Variants in DYNC2H1 observed in about 807,000 individuals in gnomAD.
DYNC2H1 encodes the protein dynein cytoplasmic 2 heavy chain 1.
A neutral mutation model predicts 570.0 loss-of-function variants in DYNC2H1; 410 were observed. The ratio of observed to expected loss-of-function variants is 0.72; its 90% CI spans 0.66 to 0.78. The LOEUF (loss-of-function observed/expected upper bound fraction) is 0.78. Among genes scored for constraint, DYNC2H1 ranks in the 30% least tolerant of loss-of-function variants. The pLI, the probability that DYNC2H1 is intolerant of heterozygous loss-of-function variation, is 0.00. For synonymous variants in DYNC2H1, 1,688 were observed against 1,677.6 expected (o/e 1.01, Z -0.15); for missense variants, 4,865 against 5,046.4 (o/e 0.96, Z 1.09).
Position 103,236,547 on chromosome 11 carries a change from ATTTAT to A in DYNC2H1, c.9819+13_9819+17del. ...GCTCTTGTAATATTACAGGTAGTTA[ATTTAT>A]TTTAATTTTTTTATTAGAAATGTTT... On this transcript the variant is annotated intron_variant, in intron 63 of 88. Transcript: ENST00000375735. The A allele has an allele frequency of 2.1e-6, 3 of 1,403,012 alleles. No individual in the cohort carries two copies. Among genetic ancestry groups the A allele is most frequent in the Non-Finnish European group, 3.0e-6 (3 of 1,011,956 alleles). 86.9% of individuals were successfully genotyped at this position (1,403,012 alleles called of 1,614,324 possible).
chr11:103,461,394 A>G lies in DYNC2H1; in HGVS notation c.12648+5038A>G, dbSNP rs974753481. ...TCAATATCTTAAACCCTTTAGACCT[A>G]CTTGAGAGAACATATTTATGTATTG... On this transcript the variant is annotated intron_variant, in intron 87 of 88. Transcript: ENST00000375735. This position sits in a 1 kb window ranked among gnomAD's most constrained non-coding sequence, Gnocchi z 4.8. Among the ~76,000 whole-genome samples, 1 of 152,148 alleles carries G rather than the reference A, an allele frequency of 6.6e-6. No individual in the cohort carries two copies. Among genetic ancestry groups the G allele is most frequent in the Non-Finnish European group, 1.5e-5 (1 of 68,038 alleles).
intron 82 of DYNC2H1, among the ~76,000 whole-genome samples, chr11:103,338,960 T>C (rs1283944801): frequency 6.6e-6 from 1 of 152,202 alleles, no homozygotes; most frequent in Non-Finnish European, 1.5e-5. Context: ...CCTGTCCTTC[T>C]TGAGTGGACT....
chr11:103,361,037 G>A (rs1162123595), intron 83 of DYNC2H1, among the ~76,000 whole-genome samples: 3 of 152,170 alleles, frequency 2.0e-5, no homozygotes, highest in Non-Finnish European at 4.4e-5. Context: ...AAGAGAAAAT[G>A]TTTGGCGCAT....
chr11:103,136,624 A>G (rs1288468362), intron 17 of DYNC2H1, among the ~76,000 whole-genome samples: 9 of 152,134 alleles, frequency 5.9e-5, no homozygotes, highest in Admixed American at 5.9e-4. Flanking sequence ...CAAGTCTATC[A>G]TTGTTGGACA....
chr11:103,196,818 C>T (rs1316497949), intron 47 of DYNC2H1, among the ~76,000 whole-genome samples: 1 of 152,048 alleles, frequency 6.6e-6, no homozygotes, highest in Non-Finnish European at 1.5e-5. Flanking sequence ...GAGATTATGA[C>T]TGTATTATTG....
intron 70 of DYNC2H1, among the ~76,000 whole-genome samples, chr11:103,272,802 A>G (rs1865762034): frequency 6.6e-6 from 1 of 152,042 alleles, no homozygotes. Flanking sequence ...AATGTATGGG[A>G]GGTGTGGTTG....
intron 83 of DYNC2H1, among the ~76,000 whole-genome samples, chr11:103,390,119 T>C (rs953582362): frequency 1.3e-5 from 2 of 152,164 alleles, no homozygotes; most frequent in African/African-American, 4.8e-5. Flanking sequence ...CCATTATTAT[T>C]GTGTGGGAGT....
intron 13 of DYNC2H1, among the ~76,000 whole-genome samples, chr11:103,131,908 T>C (rs1021556523): frequency 6.6e-6 from 1 of 152,182 alleles, no homozygotes; most frequent in African/African-American, 2.4e-5. Flanking sequence ...TAGGAAAGCA[T>C]AGAATCCTTT....
intron 17 of DYNC2H1, among the ~76,000 whole-genome samples, chr11:103,142,844 G>C (rs1355300372): frequency 6.6e-6 from 1 of 152,076 alleles, no homozygotes; most frequent in Non-Finnish European, 1.5e-5. Flanking sequence ...TTTCTCATTT[G>C]TATTGATGCT....
At position 103,157,259 on chromosome 11, in the gene DYNC2H1, A is replaced by T. The variant is rs564066475; in HGVS notation, c.4127+489A>T. On this transcript the variant is annotated intron_variant, in intron 26 of 88. Coordinates refer to ENST00000375735, the MANE Select transcript of DYNC2H1 (RefSeq NM_001377.3). The surrounding 1 kb of genome is among the most constrained non-coding windows in gnomAD (Gnocchi z 4.2). ...GGCCTCAGCCTTCGATTTTTTTCTC[A>T]CTGTATTCTCAGGTAATCTTAACCA... Among the ~76,000 whole-genome samples, 1 of 151,894 alleles carries T rather than the reference A, an allele frequency of 6.6e-6. No individual in the cohort carries two copies. The highest frequency in any genetic ancestry group is 1.5e-5 in the Non-Finnish European group (1 of 67,956).
Position 103,205,185 on chromosome 11 carries a change from G to A in DYNC2H1, c.8454+221G>A, listed in dbSNP as rs1202407858. Reference sequence around the variant, plus strand: ...CATGTTCTTAATTAAGGACCCCAGAGACAACTATACTTTAAAATTTTATGG... The same window carrying A: ...CATGTTCTTAATTAAGGACCCCAGAAACAACTATACTTTAAAATTTTATGG... On this transcript the variant is annotated intron_variant, in intron 52 of 88. Transcript: ENST00000375735. The surrounding 1 kb of genome is among the most constrained non-coding windows in gnomAD (Gnocchi z 4.5). 4.6e-5 allele frequency among the ~76,000 whole-genome samples: 7 copies of A among 152,042 alleles called. No individual in the cohort carries two copies. The highest frequency in any genetic ancestry group is 2.9e-5 in the Non-Finnish European group (2 of 67,996).
At chr11:103,312,312 G>A (rs562800800) in intron 79 of DYNC2H1, among the ~76,000 whole-genome samples, 55 of 150,816 alleles carry the variant, frequency 3.6e-4, no homozygotes, top group African/African-American at 1.2e-3. Flanking sequence ...CCCGGGAGGC[G>A]GAGTTTGTGG....
intron 88 of DYNC2H1, among the ~76,000 whole-genome samples, chr11:103,469,954 TA>T (rs1374147226): frequency 6.6e-6 from 1 of 152,010 alleles, no homozygotes; most frequent in Non-Finnish European, 1.5e-5. Flanking sequence ...CCAACGAATT[TA>T]AATTATATAA....
chr11:103,276,892 A>C (rs1001682074), intron 70 of DYNC2H1, among the ~76,000 whole-genome samples: 11 of 152,116 alleles, frequency 7.2e-5, no homozygotes, highest in African/African-American at 2.7e-4. Flanking sequence ...GGACATGTAG[A>C]GTGTTAAGGA....
intron 70 of DYNC2H1, among the ~76,000 whole-genome samples, chr11:103,273,211 A>G (rs984494575): frequency 4.9e-5 from 6 of 122,996 alleles, no homozygotes; most frequent in African/African-American, 1.9e-4. Flanking sequence ...TCTTTTTTTG[A>G]TAGAGTCTTG....
At chr11:103,154,275 G>A (rs1860704021) in intron 22 of DYNC2H1, among the ~76,000 whole-genome samples, 176 bp from the exon 23 acceptor site, 2 of 151,860 alleles carry the variant, frequency 1.3e-5, no homozygotes. Context: ...TAGTAAATAG[G>A]TAGTTTCTTA....
chr11:103,368,409 A>T (rs148280764), intron 83 of DYNC2H1, among the ~76,000 whole-genome samples: 6 of 151,868 alleles, frequency 4.0e-5, no homozygotes, highest in African/African-American at 4.8e-5. Context: ...AATGCTGGCT[A>T]AGGTCTTTTA....
At chr11:103,193,711 T>A (rs1037003010) in intron 47 of DYNC2H1, among the ~76,000 whole-genome samples, 3 of 151,854 alleles carry the variant, frequency 2.0e-5, no homozygotes. Context: ...GCCCGACTAA[T>A]TTTGTATTTT....
At chr11:103,138,318 G>A (rs1859688595) in intron 17 of DYNC2H1, among the ~76,000 whole-genome samples, 1 of 151,884 alleles carries the variant, frequency 6.6e-6, no homozygotes, top group Non-Finnish European at 1.5e-5. Flanking sequence ...TTTTCAAAGG[G>A]AATGCTTCCA....
Sources: allele counts gnomAD v4.1 joint callset (sites outside exome capture counted in the v4.1 genomes callset), GRCh38; gene constraint gnomAD v4.1.1; non-coding constraint Gnocchi (gnomAD v3.1); transcripts MANE v1.5; gene names NCBI Gene and HGNC (gene_info 2026-07-23, HGNC 2026-07-21).